KCTD16: variants seen among roughly 807,000 people sequenced by gnomAD.
The protein encoded by KCTD16 is BTB/POZ domain-containing protein KCTD16.
A neutral mutation model predicts 33.2 loss-of-function variants in KCTD16; 13 were observed. The ratio of observed to expected loss-of-function variants is 0.39; its 90% confidence interval spans 0.25 to 0.62. The LOEUF is 0.62. KCTD16 is among the 20% of genes least tolerant of loss of function. The probability of loss-of-function intolerance (pLI) is 0.50; values close to 1 mark genes in which losing one functional copy is unlikely to be tolerated. For missense variants in KCTD16, 441 were observed against 525.1 expected, an observed-to-expected ratio of 0.84 and a Z score of 1.57; for synonymous variants, 197 against 195.3, an observed-to-expected ratio of 1.01 and a Z score of -0.07.
intron 3 of KCTD16, among the ~76,000 whole-genome samples, chr5:144,288,542 T>A (rs1045747041): frequency 6.6e-6 from 1 of 152,176 alleles, no homozygotes; most frequent in African/African-American, 2.4e-5. Flanking sequence ...TATCACATAC[T>A]TCAGATTTAG....
chr5:144,457,229 C>T (rs779876634), intron 3 of KCTD16, among the ~76,000 whole-genome samples: 1 of 152,236 alleles, frequency 6.6e-6, no homozygotes, highest in Non-Finnish European at 1.5e-5. Flanking sequence ...GCTCTGCTGT[C>T]AAGAGAGAAG....
chr5:144,385,325 A>T (rs1182391204), intron 3 of KCTD16: 1 of 152,230 alleles, frequency 6.6e-6, no homozygotes, highest in Non-Finnish European at 1.5e-5. Flanking sequence ...ATAAAAATAT[A>T]ACCAAGAACA....
intron 2 of KCTD16, among the ~76,000 whole-genome samples, chr5:144,196,320 A>G (rs1752938344): frequency 6.6e-6 from 1 of 152,104 alleles, no homozygotes; most frequent in Non-Finnish European, 1.5e-5. Context: ...CCTCACAATA[A>G]TAAAACTCCA....
At chr5:144,430,975 A>G (rs1257425698) in intron 3 of KCTD16, among the ~76,000 whole-genome samples, 2 of 152,120 alleles carry the variant, frequency 1.3e-5, no homozygotes, top group African/African-American at 4.8e-5. Context: ...TAAATATTCC[A>G]TATTTTGCAT....
At chr5:144,303,439 T>A (rs899486421) in intron 3 of KCTD16, among the ~76,000 whole-genome samples, 10 of 152,128 alleles carry the variant, frequency 6.6e-5, no homozygotes, top group African/African-American at 2.4e-4. Flanking sequence ...GACCTTGAGG[T>A]TGGGCTGGGT....
chr5:144,248,238 T>G (rs539209189), intron 3 of KCTD16, among the ~76,000 whole-genome samples: 14 of 152,312 alleles, frequency 9.2e-5, no homozygotes, highest in Admixed American at 6.5e-4. Flanking sequence ...ATGATGTCAT[T>G]GAGAAGAGGC....
At position 144,473,880 on chromosome 5, in the gene KCTD16, C is replaced by G. The variant is rs1754534829; in HGVS notation, c.1053C>G (p.Val351=). ...TLDRPIKKGP[V]QLIQQSEMRR... Reference sequence around the variant, plus strand: ...ACCGTCCCATCAAGAAGGGCCCTGTCCAGCTGATCCAACAGTCAGAGATGC... The same window carrying G: ...ACCGTCCCATCAAGAAGGGCCCTGTGCAGCTGATCCAACAGTCAGAGATGC... Residue 351 remains valine (V), a synonymous_variant, in exon 4 of 4, where the codon GTC becomes GTG. Coordinates refer to ENST00000512467, the MANE Select transcript of KCTD16 (RefSeq NM_020768.4). 1 of 1,613,976 alleles carries G rather than the reference C, an allele frequency of 6.2e-7. No individual in the cohort carries two copies. The highest frequency in any genetic ancestry group is 1.3e-5 in the African/African-American group (1 of 74,898).
intron 3 of KCTD16, among the ~76,000 whole-genome samples, chr5:144,337,444 G>A (rs55950845): frequency 0.022 from 3,357 of 152,174 alleles, 135 homozygotes; most frequent in African/African-American, 0.076. Flanking sequence ...TGGGCGTAAA[G>A]TATTATAGAA....
chr5:144,211,308 C>A (rs952397737), intron 3 of KCTD16, among the ~76,000 whole-genome samples: 12 of 152,130 alleles, frequency 7.9e-5, no homozygotes, highest in African/African-American at 2.9e-4. Context: ...GGTGGAAATG[C>A]ATCTACCCTA....
At chr5:144,282,624 G>A (rs1755636735) in intron 3 of KCTD16, among the ~76,000 whole-genome samples, 1 of 152,150 alleles carries the variant, frequency 6.6e-6, no homozygotes, top group South Asian at 2.1e-4. Context: ...CACACATCTG[G>A]TTTCAGAAGT....
chr5:144,379,025 G>A (rs149134690), intron 3 of KCTD16, among the ~76,000 whole-genome samples: 109 of 152,306 alleles, frequency 7.2e-4, no homozygotes, highest in African/African-American at 2.5e-3. Context: ...CATGGAGAAA[G>A]GGATGCATCC....
intron 3 of KCTD16, among the ~76,000 whole-genome samples, chr5:144,438,059 A>G (rs2126974536): frequency 6.6e-6 from 1 of 152,350 alleles, no homozygotes; most frequent in Admixed American, 6.5e-5. Context: ...TTACGTGTGA[A>G]ATGATTTTAT....
At chr5:144,343,162 C>T (rs941670691) in intron 3 of KCTD16, among the ~76,000 whole-genome samples, 1 of 152,124 alleles carries the variant, frequency 6.6e-6, no homozygotes, top group Non-Finnish European at 1.5e-5. Context: ...GATACCAGTT[C>T]CTCCTTGTAC....
intron 3 of KCTD16, among the ~76,000 whole-genome samples, chr5:144,410,794 A>AAAATAAGTT (rs1394270774): frequency 1.3e-5 from 2 of 152,182 alleles, no homozygotes; most frequent in Non-Finnish European, 2.9e-5. Context: ...ATAAACGCAC[A>AAAATAAGTT]AAATAAGTTA....
intron 2 of KCTD16, among the ~76,000 whole-genome samples, chr5:144,191,341 G>A (rs1297832036): frequency 6.6e-6 from 1 of 152,148 alleles, no homozygotes; most frequent in African/African-American, 2.4e-5. Flanking sequence ...AGTGTTTACA[G>A]AATTAAGTTC....
chr5:144,318,203 C>A (rs1220542178), intron 3 of KCTD16, among the ~76,000 whole-genome samples: 1 of 152,146 alleles, frequency 6.6e-6, no homozygotes, highest in Non-Finnish European at 1.5e-5. Flanking sequence ...AAGGCACAAC[C>A]CCGAGCGGCC....
intron 3 of KCTD16, among the ~76,000 whole-genome samples, chr5:144,255,331 A>G (rs1413583025): frequency 1.3e-5 from 2 of 152,166 alleles, no homozygotes; most frequent in South Asian, 2.1e-4. Flanking sequence ...GATTTCAATT[A>G]TTTTGGACAG....
At chr5:144,314,154 G>T (rs139681039) in intron 3 of KCTD16, among the ~76,000 whole-genome samples, 1 of 152,108 alleles carries the variant, frequency 6.6e-6, no homozygotes, top group Non-Finnish European at 1.5e-5. Flanking sequence ...AACAAAAGAG[G>T]CTTGACAATT....
chr5:144,202,633 G>T lies in KCTD16; in HGVS notation c.-326-3756G>T, dbSNP rs540506363. ...TCTGAGGTTCCATTTAGATTAAAAAGTAGATATGCCCAAATAGAGTTAGCA... is the reference window on the plus strand; with the variant it reads ...TCTGAGGTTCCATTTAGATTAAAAATTAGATATGCCCAAATAGAGTTAGCA... On this transcript the variant is annotated intron_variant, in intron 2 of 3. Transcript: ENST00000512467. 1.9e-3 allele frequency among the ~76,000 whole-genome samples: 290 copies of T among 152,310 alleles called. 1 individual carries two copies. The highest frequency in any genetic ancestry group is 6.7e-3 in the African/African-American group (278 of 41,562).
Sources: allele counts gnomAD v4.1 joint callset (sites outside exome capture counted in the v4.1 genomes callset), GRCh38; gene constraint gnomAD v4.1.1; transcripts MANE v1.5; gene names NCBI Gene and HGNC (gene_info 2026-07-23, HGNC 2026-07-21).